The following LITAF variants were observed in gnomAD, a reference collection of about 807,000 sequenced individuals.
The protein encoded by LITAF is lipopolysaccharide-induced tumor necrosis factor-alpha factor.
In LITAF, 9 loss-of-function variants were observed where a neutral mutation model predicts 14.5. That is an observed-to-expected ratio of 0.62 (90% CI 0.37 to 1.08). The LOEUF (loss-of-function observed/expected upper bound fraction) is 1.08, where lower values mean the gene tolerates loss of function less well. Ranked by LOEUF, LITAF falls within the 50% of genes least tolerant of loss-of-function variation. The pLI is 0.01. For missense variants in LITAF, 206 were observed against 213.4 expected (o/e 0.97, Z 0.22); for synonymous variants, 98 against 88.2 (o/e 1.11, Z -0.62).
At chr16:11,579,648 T>C (rs1597355407) in intron 1 of LITAF, among the ~76,000 whole-genome samples, 1 of 152,140 alleles carries the variant, frequency 6.6e-6, no homozygotes, top group Non-Finnish European at 1.5e-5. Flanking sequence ...CATACCCTCA[T>C]CAGTTTCTTG....
intron 3 of LITAF, among the ~76,000 whole-genome samples, chr16:11,626,357 T>A (rs1171491899): frequency 6.6e-6 from 1 of 151,044 alleles, no homozygotes; most frequent in African/African-American, 2.4e-5. Flanking sequence ...TTTTGTAATT[T>A]TTTTTTAAGA....
intron 1 of LITAF, chr16:11,561,263 A>G (rs1168032220): frequency 6.6e-6 from 1 of 152,254 alleles, no homozygotes; most frequent in African/African-American, 2.4e-5. Context: ...CCAAGAGGCA[A>G]TGGCTGAATT....
rs1013002729 is a variant in LITAF, at chr16:11,572,552, A to C, written c.-6+14334T>G. Among the ~76,000 whole-genome samples the C allele has an allele frequency of 2.6e-5, 4 of 152,152 alleles. No individual in the cohort carries two copies. The East Asian group carries it at 7.7e-4, about 29-fold the overall frequency. Reference sequence around the variant, plus strand: ...CACACACCGGCTGACTGACAGGATGAGGTGAGAAGGGCCTCTGTGGCCTTC... The same window carrying C: ...CACACACCGGCTGACTGACAGGATGCGGTGAGAAGGGCCTCTGTGGCCTTC... On this transcript the variant is annotated intron_variant, in intron 1 of 3. Transcript: ENST00000622633.
intron 2 of LITAF, among the ~76,000 whole-genome samples, chr16:11,554,237 C>T (rs2064232021): frequency 6.6e-6 from 1 of 151,800 alleles, no homozygotes; most frequent in Non-Finnish European, 1.5e-5. Context: ...GTCCCAAAAA[C>T]AAATAAATAA....
chr16:11,613,880 T>C lies in LITAF; in HGVS notation c.85+19653A>G, dbSNP rs148205564. Among the ~76,000 whole-genome samples the C allele has an allele frequency of 3.9e-3, 591 of 152,338 alleles. 1 individual carries two copies. The highest frequency in any genetic ancestry group is 6.8e-3 in the Middle Eastern group (2 of 294). On this transcript the variant is annotated intron_variant, in intron 3 of 3. Coordinates refer to the LITAF transcript ENST00000574848. The stretch of plus-strand genomic sequence containing the variant: ...GTTGTCAGATGACCGGGCGGGCCAC[T>C]TCTCTCGCTGAATGTTTATTTCCTT...
rs1045480301 is a variant in LITAF, at chr16:11,629,743, A to G, written c.85+3790T>C. 7.9e-5 allele frequency among the ~76,000 whole-genome samples: 12 copies of G among 152,292 alleles called. No individual in the cohort carries two copies. The South Asian group carries it at 2.5e-3, about 32-fold the overall frequency. On this transcript the variant is annotated intron_variant, in intron 3 of 3. Transcript: ENST00000574848. ...CTTGAGGGCCCAGGGCTTCGGAGGC[A>G]GAGGCAGCCAGTTTCGAATCATGAT...
chr16:11,563,818 C>T (rs904988019), intron 1 of LITAF, among the ~76,000 whole-genome samples: 5 of 151,996 alleles, frequency 3.3e-5, no homozygotes, highest in African/African-American at 1.2e-4. Flanking sequence ...CCCAAAGCTG[C>T]ATATTTACTG....
rs567340921 is a variant in LITAF, at chr16:11,556,287, T to C, written c.220+224A>G. On this transcript the variant is annotated intron_variant, in intron 2 of 3. Transcript: ENST00000622633. ...GATGTGCCAAAAGATTCGTATATGATGACCATGGGAAAGATCCTAAACCAT... is the reference window on the plus strand; with the variant it reads ...GATGTGCCAAAAGATTCGTATATGACGACCATGGGAAAGATCCTAAACCAT... 22 of 561,924 alleles carry C rather than the reference T, an allele frequency of 3.9e-5. No homozygotes were observed. In the East Asian group the frequency reaches 6.2e-4, roughly 16 times the overall value. The allele number at this position is 561,924 out of a possible 1,614,324, so 34.8% of individuals were successfully genotyped here. A position where few individuals can be genotyped will look rare whatever the true frequency, so the allele number is the denominator to read the frequency against.
intron 3 of LITAF, among the ~76,000 whole-genome samples, chr16:11,612,757 A>G (rs1357896106): frequency 1.3e-5 from 2 of 152,040 alleles, no homozygotes; most frequent in Non-Finnish European, 2.9e-5. Context: ...AGGGACGAGG[A>G]CAGACTGAAA....
At chr16:11,565,195 G>A (rs2064431853) in intron 1 of LITAF, among the ~76,000 whole-genome samples, 1 of 151,226 alleles carries the variant, frequency 6.6e-6, no homozygotes, top group African/African-American at 2.4e-5. Context: ...CAATTCTCCT[G>A]CCTCAGCCTC....
At chr16:11,585,393 T>C (rs2064791761) in intron 1 of LITAF, among the ~76,000 whole-genome samples, 1 of 152,190 alleles carries the variant, frequency 6.6e-6, no homozygotes, top group South Asian at 2.1e-4. Context: ...GCCTCCCTCA[T>C]GGTAGATTAC....
At chr16:11,589,695 T>C (rs1174413893), upstream of LITAF, among the ~76,000 whole-genome samples, 1 of 141,812 alleles carries the variant, frequency 7.1e-6, no homozygotes, top group African/African-American at 2.6e-5. Flanking sequence ...CACAGCTCAC[T>C]GCAGCCTTGA....
At chr16:11,631,610 G>A (rs934456351) in intron 3 of LITAF, among the ~76,000 whole-genome samples, 7 of 152,144 alleles carry the variant, frequency 4.6e-5, no homozygotes, top group Middle Eastern at 3.2e-3. Context: ...GTCTGGTCGC[G>A]AATTCCTGGG....
chr16:11,601,119 C>G (rs553632350), upstream of LITAF, among the ~76,000 whole-genome samples: 53 of 152,170 alleles, frequency 3.5e-4, no homozygotes, highest in Admixed American at 9.2e-4. Context: ...TCCATCCCCC[C>G]ACCCTCACTC....
At position 11,558,888 on chromosome 16, in the gene LITAF, G is replaced by A. The variant is rs762345711; in HGVS notation, c.-5-2153C>T. Among the ~76,000 whole-genome samples, 5 of 152,198 alleles carry A rather than the reference G, an allele frequency of 3.3e-5. No homozygotes were observed. Among genetic ancestry groups the A allele is most frequent in the Non-Finnish European group, 7.3e-5 (5 of 68,044 alleles). On this transcript the variant is annotated intron_variant, in intron 1 of 3. Transcript: ENST00000622633. This position sits in a 1 kb window ranked among gnomAD's most constrained non-coding sequence, Gnocchi z 4.1. ...GTCCAACAGAATCTTCTGTGAGGAT[G>A]GAAATGCTCTGTATCTGCTGCCCAA...
chr16:11,612,209 G>A (rs977574911), intron 3 of LITAF, among the ~76,000 whole-genome samples: 4 of 152,328 alleles, frequency 2.6e-5, no homozygotes, highest in Middle Eastern at 3.4e-3. Context: ...AGCCAACCAT[G>A]TGCCAGGTTT....
chr16:11,625,750 A>C (rs997764666), intron 3 of LITAF, among the ~76,000 whole-genome samples: 2 of 152,148 alleles, frequency 1.3e-5, no homozygotes, highest in African/African-American at 2.4e-5. Context: ...TTCATTTTAC[A>C]GTCAGTGAGT....
chr16:11,573,444 C>T (rs1439780856), intron 1 of LITAF, among the ~76,000 whole-genome samples: 1 of 152,064 alleles, frequency 6.6e-6, no homozygotes. Context: ...TGGCAATAAC[C>T]CCCACATGTG....
chr16:11,624,289 G>C (rs180727177), intron 3 of LITAF, among the ~76,000 whole-genome samples: 14 of 152,294 alleles, frequency 9.2e-5, no homozygotes, highest in Admixed American at 9.2e-4. Flanking sequence ...TTGGTGGAAA[G>C]AGAATATTTT....
Sources: allele counts gnomAD v4.1 joint callset (sites outside exome capture counted in the v4.1 genomes callset), GRCh38; gene constraint gnomAD v4.1.1; non-coding constraint Gnocchi (gnomAD v3.1); transcripts MANE v1.5; gene names NCBI Gene and HGNC (gene_info 2026-07-23, HGNC 2026-07-21).